The following ZNF337 variants were observed in gnomAD, a reference collection of about 807,000 sequenced individuals.
ZNF337 encodes the protein zinc finger protein 337.
Under a neutral mutation model 12.1 loss-of-function variants are expected in ZNF337, and 8 were observed. That is an observed-to-expected ratio of 0.66 (90% confidence interval 0.39 to 1.19). The LOEUF (loss-of-function observed/expected upper bound fraction) is 1.19. ZNF337 is among the 50% of genes most tolerant of loss of function. The pLI is 0.01. For synonymous variants in ZNF337, 336 were observed against 320.0 expected, an observed-to-expected ratio of 1.05 and a Z score of -0.53; for missense variants, 882 against 896.6, an observed-to-expected ratio of 0.98 and a Z score of 0.21.
At chr20:25,682,168 C>G (rs1246077676) in intron 4 of ZNF337, among the ~76,000 whole-genome samples, 2 of 150,928 alleles carry the variant, frequency 1.3e-5, no homozygotes, top group African/African-American at 4.9e-5. Context: ...TTACAGTCAC[C>G]AAAAAAAATC....
chr20:25,683,224 G>T (rs1463666918), intron 4 of ZNF337, among the ~76,000 whole-genome samples: 3 of 113,566 alleles, frequency 2.6e-5, no homozygotes, highest in African/African-American at 4.0e-5. Flanking sequence ...CACCCTAGAG[G>T]TAAGAATCAT....
In ZNF337 at chr20:25,686,374, G is replaced by C. The variant is rs903135847; in HGVS notation, c.27+17C>G. 3 of 1,610,702 alleles carry C rather than the reference G, an allele frequency of 1.9e-6. No homozygotes were observed. Among genetic ancestry groups the C allele is most frequent in the Admixed American group, 3.3e-5 (2 of 59,984 alleles). ...CCATCCTGTGACAGCAAGAACGACAGTTCTGGGAAGTCTCACCTGTCTCCT... is the reference window on the plus strand; with the variant it reads ...CCATCCTGTGACAGCAAGAACGACACTTCTGGGAAGTCTCACCTGTCTCCT... On this transcript the variant is annotated intron_variant, in intron 2 of 4. Coordinates refer to ENST00000252979, the MANE Select transcript of ZNF337 (RefSeq NM_015655.4).
chr20:25,676,472 G>A lies in ZNF337; in HGVS notation c.816C>T (p.Gly272=), dbSNP rs760525419. The change falls in exon 5 of 5, where the codon GGC becomes GGT. Residue 272 remains glycine, a synonymous_variant. Coordinates refer to ENST00000252979, the MANE Select transcript of ZNF337 (RefSeq NM_015655.4). ...KPFLCKVCGR[G]YTSKSYLTVH... The stretch of plus-strand genomic sequence containing the variant: ...CAGTGAGGTATGACTTACTGGTATA[G>A]CCTCGTCCACACACCTTGCACAGAA... 6.2e-7 allele frequency: 1 copy of A among 1,613,664 alleles called. No individual in the cohort carries two copies. The highest frequency in any genetic ancestry group is 1.7e-5 in the Admixed American group (1 of 59,972).
Position 25,675,353 on chromosome 20 carries a change from T to C in ZNF337, c.1935A>G (p.Thr645=). 6.2e-7 allele frequency: 1 copy of C among 1,613,458 alleles called. No individual in the cohort carries two copies. Among genetic ancestry groups the C allele is most frequent in the Non-Finnish European group, 8.5e-7 (1 of 1,179,814 alleles). The change falls in exon 5 of 5, where the codon ACA becomes ACG. Residue 645 remains threonine, a synonymous_variant. Transcript: ENST00000252979. ...TCTCCCCTGAGTGTGTCCTCTGGTG[T>C]GTGAGGAGATTTCCCTTCCAGTTGA... The part of the protein sequence containing the change: ...RGFNWKGNLL[T]HQRTHSGEKP...
chr20:25,682,214 A>G lies in ZNF337; in HGVS notation c.250+3353T>C, dbSNP rs2065776735. On this transcript the variant is annotated intron_variant, in intron 4 of 4. Transcript: ENST00000252979. ...ATATTAATATTAAACGAAATAGATT[A>G]TAATACAGTAACTATTATTAGGTTT... 3.3e-5 allele frequency among the ~76,000 whole-genome samples: 5 copies of G among 152,336 alleles called. No individual in the cohort carries two copies. In the South Asian group the frequency reaches 1.0e-3, roughly 32 times the overall value.
intron 1 of ZNF337, among the ~76,000 whole-genome samples, chr20:25,687,980 A>C (rs530556062): frequency 1.3e-5 from 2 of 152,224 alleles, no homozygotes; most frequent in African/African-American, 4.8e-5. Context: ...TTGGTACTTG[A>C]CTCTGATACT....
chr20:25,687,548 T>C (rs184152418), intron 1 of ZNF337, among the ~76,000 whole-genome samples: 2 of 152,306 alleles, frequency 1.3e-5, no homozygotes, highest in Admixed American at 1.3e-4. Context: ...CACTAGCCAG[T>C]AACTTTGAGA....
At chr20:25,691,279 G>C (rs1167892331) in intron 1 of ZNF337, among the ~76,000 whole-genome samples, 1 of 152,148 alleles carries the variant, frequency 6.6e-6, no homozygotes, top group Non-Finnish European at 1.5e-5. Context: ...AGAAGCAGAA[G>C]AGAAAAGAAT....
intron 1 of ZNF337, among the ~76,000 whole-genome samples, chr20:25,688,373 TAA>T (rs947838702): frequency 6.6e-6 from 1 of 152,242 alleles, no homozygotes; most frequent in African/African-American, 2.4e-5. Context: ...CTTCTGTGAA[TAA>T]AAAATTTTTT....
chr20:25,675,594 G>A lies in ZNF337; in HGVS notation c.1694C>T (p.Thr565Ile). 1 of 1,613,928 alleles carries A rather than the reference G, an allele frequency of 6.2e-7. No homozygotes were observed. Among genetic ancestry groups the A allele is most frequent in the African/African-American group, 1.3e-5 (1 of 74,924 alleles). The change falls in exon 5 of 5, where the codon ACA (threonine) becomes ATA (isoleucine). Residue 565 changes from threonine (T) to isoleucine (I), a missense_variant. Transcript: ENST00000252979. ...LKANLLRHQW[T>I]HSGERPFNCK... Reference sequence around the variant, plus strand: ...ATTAAATGGCCTTTCCCCCGAGTGTGTCCACTGATGTCTAAGAAGATTTGC... The same window carrying A: ...ATTAAATGGCCTTTCCCCCGAGTGTATCCACTGATGTCTAAGAAGATTTGC...
Position 25,676,862 on chromosome 20 carries a change from G to C in ZNF337, c.426C>G (p.Ser142Arg). The C allele has an allele frequency of 6.2e-7, 1 of 1,614,072 alleles. No individual in the cohort carries two copies. Among genetic ancestry groups the C allele is most frequent in the Non-Finnish European group, 8.5e-7 (1 of 1,180,028 alleles). ...FSSPPLRHAVSSRRRNSVVEI... is the reference protein window; with the variant it reads ...FSSPPLRHAVRSRRRNSVVEI... ...CCACTACACTGTTCCTCCTCCTTGA[G>C]CTTACTGCATGTCTTAGGGGTGGGC... Residue 142 changes from serine (S) to arginine (R), a missense_variant, in exon 5 of 5, where the codon AGC (serine) becomes AGG (arginine). Coordinates refer to ENST00000252979, the MANE Select transcript of ZNF337 (RefSeq NM_015655.4).
chr20:25,676,727 T>C lies in ZNF337; in HGVS notation c.561A>G (p.Gln187=), dbSNP rs1184647722. ...TTACCATCATCTTCCGGCTGAAGTC[T>C]TGCCCACGCTCTGCACACTTGAATG... The part of the protein sequence containing the change: ...WGAFKCAERG[Q]DFSRKMMVII... Residue 187 remains glutamine, a synonymous_variant, in exon 5 of 5, where the codon CAA becomes CAG. Transcript: ENST00000252979. 1.9e-6 allele frequency: 3 copies of C among 1,614,266 alleles called. No homozygotes were observed. The highest frequency in any genetic ancestry group is 1.7e-5 in the Admixed American group (1 of 60,034).
chr20:25,685,208 A>AGAAAC (rs1555885934), intron 4 of ZNF337, among the ~76,000 whole-genome samples: 2 of 152,154 alleles, frequency 1.3e-5, no homozygotes, highest in African/African-American at 4.8e-5. Context: ...AAAATAATTA[A>AGAAAC]AAAACAAAAC....
intron 1 of ZNF337, among the ~76,000 whole-genome samples, 177 bp downstream of exon 1, chr20:25,696,582 C>T (rs866534510): frequency 3.3e-5 from 5 of 152,236 alleles, no homozygotes; most frequent in African/African-American, 1.2e-4. Flanking sequence ...CGCAGCCCCA[C>T]CGCCCACTTC....
Position 25,673,768 on chromosome 20 carries a change from CTGAA to C in ZNF337, c.*1260_*1263del, listed in dbSNP as rs1239647945. On this transcript the variant is annotated 3_prime_UTR_variant, in exon 5 of 5. Coordinates refer to ENST00000252979, the MANE Select transcript of ZNF337 (RefSeq NM_015655.4). The stretch of plus-strand genomic sequence containing the variant: ...TTAACCATTAACTGTTTGCTAATGG[CTGAA>C]TGAAGTCTTCAATTTCTCAAGGTCC... 1 of 152,218 alleles carries C rather than the reference CTGAA, an allele frequency of 6.6e-6. No homozygotes were observed. The highest frequency in any genetic ancestry group is 2.4e-5 in the African/African-American group (1 of 41,458). 9.4% of individuals were successfully genotyped at this position (152,218 alleles called of 1,614,324 possible). A position where few individuals can be genotyped will look rare whatever the true frequency, so the allele number is the denominator to read the frequency against.
Position 25,685,985 on chromosome 20 carries a change from G to T in ZNF337, c.154+11C>A, listed in dbSNP as rs368582754. On this transcript the variant is annotated intron_variant, in intron 3 of 4. Transcript: ENST00000252979. Reference sequence around the variant, plus strand: ...AGGCCAAATGTTAGGCTCGAGGGAAGCCACGCTTACCTAGTGAGACCAGGT... The same window carrying T: ...AGGCCAAATGTTAGGCTCGAGGGAATCCACGCTTACCTAGTGAGACCAGGT... The T allele has an allele frequency of 2.1e-5, 33 of 1,603,610 alleles. No individual in the cohort carries two copies. Among genetic ancestry groups the T allele is most frequent in the African/African-American group, 1.6e-4 (12 of 74,184 alleles).
In ZNF337 at chr20:25,674,787, C is replaced by G; in HGVS notation, c.*245G>C. The G allele has an allele frequency of 1.8e-6, 1 of 552,592 alleles. No individual in the cohort carries two copies. Among genetic ancestry groups the G allele is most frequent in the East Asian group, 3.0e-5 (1 of 33,150 alleles). 34.2% of individuals were successfully genotyped at this position (552,592 alleles called of 1,614,324 possible). A position where few individuals can be genotyped will look rare whatever the true frequency, so the allele number is the denominator to read the frequency against. ...AATATGTGCTCAGTAGGAAAGAGAC[C>G]ACATTTCCCCAATAGCCCAGGTAAT... On this transcript the variant is annotated 3_prime_UTR_variant, in exon 5 of 5. Coordinates refer to ENST00000252979, the MANE Select transcript of ZNF337 (RefSeq NM_015655.4).
In ZNF337 at chr20:25,676,173, CCT is replaced by C. The variant is rs761462493; in HGVS notation, c.1113_1114del (p.Lys374AlafsTer8). The C allele has an allele frequency of 6.0e-5, 97 of 1,613,532 alleles. No homozygotes were observed. The highest frequency in any genetic ancestry group is 3.6e-4 in the African/African-American group (27 of 74,706). On this transcript the variant is annotated frameshift_variant, in exon 5 of 5. Transcript: ENST00000252979. LOFTEE classifies it low-confidence loss of function (END_TRUNC). ...CTGCCTGCACGCAAAGGGCTTCTCC[CCT>C]GAGTGTGTCCTCTGGTGTGTGATAA...
At chr20:25,677,096 A>G (rs1023945947) in intron 4 of ZNF337, 59 bp from the exon 5 acceptor site, 1 of 1,379,124 alleles carries the variant, frequency 7.3e-7, no homozygotes, top group Non-Finnish European at 9.7e-7. Flanking sequence ...TATGAAAGAA[A>G]AACCCAGAAC....
Sources: gnomAD v4.1 joint callset for allele counts (sites outside exome capture counted in the v4.1 genomes callset) on GRCh38, gnomAD v4.1.1 for gene constraint, MANE v1.5 for transcripts, NCBI Gene and HGNC (gene_info 2026-07-23, HGNC 2026-07-21) for gene names.